BRSK2: variants seen among roughly 807,000 people sequenced by gnomAD.
BRSK2 encodes the protein BR serine/threonine kinase 2, also known as serine/threonine-protein kinase BRSK2.
A neutral mutation model predicts 83.3 loss-of-function variants in BRSK2; 19 were observed. The observed-to-expected ratio is 0.23, with a 90% confidence interval of 0.16 to 0.33. The LOEUF is 0.33. Among genes scored for constraint, BRSK2 ranks in the 10% least tolerant of loss-of-function variants. The pLI, the probability that BRSK2 is intolerant of heterozygous loss-of-function variation, is 1.00. For missense variants in BRSK2, 798 were observed against 1,042.3 expected (o/e 0.77, Z 3.23); for synonymous variants, 519 against 435.4 (o/e 1.19, Z -2.39).
chr11:1,447,602 G>T (rs1262843227), intron 12 of BRSK2, among the ~76,000 whole-genome samples: 1 of 152,124 alleles, frequency 6.6e-6, no homozygotes, highest in Non-Finnish European at 1.5e-5. Context: ...CTGGGGTGGG[G>T]GCTACCAGGC....
intron 1 of BRSK2, among the ~76,000 whole-genome samples, chr11:1,406,728 G>GT (rs1846899121): frequency 6.6e-6 from 1 of 152,212 alleles, no homozygotes; most frequent in Admixed American, 6.5e-5. Flanking sequence ...CTGCTGGAGG[G>GT]TGCGGGGGTG....
At chr11:1,460,188 G>C in intron 19 of BRSK2, among the ~76,000 whole-genome samples, 1 of 152,142 alleles carries the variant, frequency 6.6e-6, no homozygotes. Context: ...AAGGAGCACT[G>C]GGTCCTGCGC....
At chr11:1,453,662 G>T (rs1406525353) in intron 15 of BRSK2, among the ~76,000 whole-genome samples, 1 of 152,240 alleles carries the variant, frequency 6.6e-6, no homozygotes, top group East Asian at 1.9e-4. Flanking sequence ...CCAGGAATGG[G>T]CAAGGGAAAG....
At chr11:1,413,765 AC>A (rs2134137998) in intron 1 of BRSK2, among the ~76,000 whole-genome samples, 1 of 152,080 alleles carries the variant, frequency 6.6e-6, no homozygotes, top group South Asian at 2.1e-4. Flanking sequence ...GGGGCCTGGC[AC>A]CCCCACTCCA....
chr11:1,459,843 C>T (rs1390614414), intron 19 of BRSK2, among the ~76,000 whole-genome samples: 1 of 152,166 alleles, frequency 6.6e-6, no homozygotes, highest in Non-Finnish European at 1.5e-5. Flanking sequence ...CCATGCTTGT[C>T]CACCCATCTG....
Position 1,456,638 on chromosome 11 carries a change from G to C in BRSK2, c.1890G>C (p.Gln630His), listed in dbSNP as rs200143851. The C allele has an allele frequency of 3.1e-6, 5 of 1,610,962 alleles. No homozygotes were observed. The highest frequency in any genetic ancestry group is 4.2e-6 in the Non-Finnish European group (5 of 1,179,320). Residue 630 changes from glutamine to histidine, a missense_variant, in exon 18 of 20, where the codon CAG becomes CAC. Around this residue, in one of 6 missense-constraint regions of BRSK2, gnomAD observed 455 missense variants for 455.2 expected, o/e 1.00. Transcript: ENST00000528841. ...RRFKRVVETI[Q>H]AQLLSTHDPP... ...TCAAGAGGGTGGTGGAGACCATCCA[G>C]GCCCAGCTGCTGAGCACACACGACC...
intron 2 of BRSK2, among the ~76,000 whole-genome samples, chr11:1,437,094 T>TG (rs1850417816): frequency 6.6e-6 from 1 of 151,648 alleles, no homozygotes; most frequent in Non-Finnish European, 1.5e-5. Flanking sequence ...CTGGGAGTGA[T>TG]GGGGCCAGGA....
chr11:1,416,133 T>A (rs1425101413), intron 1 of BRSK2, among the ~76,000 whole-genome samples: 1 of 152,216 alleles, frequency 6.6e-6, no homozygotes, highest in Non-Finnish European at 1.5e-5. Context: ...GGGAGGGATG[T>A]GTTTATAAAA....
At chr11:1,408,956 TTGCC>T (rs1847126006) in intron 1 of BRSK2, among the ~76,000 whole-genome samples, 2 of 135,950 alleles carry the variant, frequency 1.5e-5, no homozygotes, top group Non-Finnish European at 3.2e-5. Context: ...ATACAGGTGT[TTGCC>T]TGTGCAGGTG....
intron 18 of BRSK2, 141 bp from the exon 19 acceptor site, chr11:1,459,051 C>T (rs1564891258): frequency 2.5e-6 from 2 of 797,088 alleles, no homozygotes. Flanking sequence ...CTGGCCCCCC[C>T]AGTATTCCCC....
chr11:1,447,474 T>A (rs1455583589), intron 12 of BRSK2, among the ~76,000 whole-genome samples: 1 of 152,182 alleles, frequency 6.6e-6, no homozygotes, highest in Non-Finnish European at 1.5e-5. Context: ...CCACTAGTCC[T>A]GGCATGTCCC....
chr11:1,443,410 C>A lies in BRSK2; in HGVS notation c.633+7C>A, dbSNP rs531195568. On this transcript the variant is annotated splice_region_variant and intron_variant, in intron 7 of 19. Transcript: ENST00000528841. ...CCTGTTCGCCTTGCTGGTGGTGAGA[C>A]CCTGGCCCCCTCAACCCTGCCCTGG... 4.4e-5 allele frequency: 70 copies of A among 1,599,010 alleles called. No homozygotes were observed. The South Asian group carries it at 7.0e-4, about 16-fold the overall frequency.
intron 12 of BRSK2, chr11:1,447,794 G>C: frequency 6.3e-7 from 1 of 1,596,618 alleles, no homozygotes; most frequent in Non-Finnish European, 8.5e-7. Flanking sequence ...CTGTTCTGCT[G>C]TAGTAAAGCA....
Position 1,440,938 on chromosome 11 carries a change from C to T in BRSK2, c.413+10C>T. 1 of 1,603,382 alleles carries T rather than the reference C, an allele frequency of 6.2e-7. No homozygotes were observed. Among genetic ancestry groups the T allele is most frequent in the Non-Finnish European group, 8.5e-7 (1 of 1,175,870 alleles). The stretch of plus-strand genomic sequence containing the variant: ...ACAGCCACTCCATATGGTGAGGCCC[C>T]ACCCCTGGTGCCCCCCACTCCCCAG... On this transcript the variant is annotated intron_variant, in intron 4 of 19. Coordinates refer to ENST00000528841, the MANE Select transcript of BRSK2 (RefSeq NM_001256627.2).
chr11:1,405,738 G>C (rs997438821), intron 1 of BRSK2, among the ~76,000 whole-genome samples: 1 of 152,100 alleles, frequency 6.6e-6, no homozygotes, highest in African/African-American at 2.4e-5. Flanking sequence ...TGTGCTCTGT[G>C]CCGAGGTGGG....
At chr11:1,394,933 T>G (rs1435951090) in intron 1 of BRSK2, among the ~76,000 whole-genome samples, 2 of 112,106 alleles carry the variant, frequency 1.8e-5, no homozygotes, top group Non-Finnish European at 1.9e-5. Context: ...TGGAGATGGG[T>G]CCTGGAGATG....
At position 1,411,351 on chromosome 11, in the gene BRSK2, C is replaced by T. The variant is rs374868545; in HGVS notation, c.91+20976C>T. On this transcript the variant is annotated intron_variant, in intron 1 of 19. Coordinates refer to ENST00000528841, the MANE Select transcript of BRSK2 (RefSeq NM_001256627.2). ...GGCCGGAGCAGGGGGCACAGTTCTGCCCCATCTGGCCCTAGTTTGGGGAGG... is the reference window on the plus strand; with the variant it reads ...GGCCGGAGCAGGGGGCACAGTTCTGTCCCATCTGGCCCTAGTTTGGGGAGG... 115 of 1,443,694 alleles carry T rather than the reference C, an allele frequency of 8.0e-5. No individual in the cohort carries two copies. The African/African-American group carries it at 1.5e-3, about 19-fold the overall frequency. 89.4% of individuals were successfully genotyped at this position (1,443,694 alleles called of 1,614,324 possible).
chr11:1,450,802 T>A lies in BRSK2; in HGVS notation c.1495+8T>A, dbSNP rs1253648297. The A allele has an allele frequency of 6.3e-7, 1 of 1,587,500 alleles. No individual in the cohort carries two copies. The highest frequency in any genetic ancestry group is 1.4e-5 in the African/African-American group (1 of 73,400). ...ACCGCCGGAAACTGCAAGGTGAGTG[T>A]CTGCCCGGAGGCGCCAGAGTGGGGC... On this transcript the variant is annotated splice_region_variant and intron_variant, in intron 14 of 19. Coordinates refer to ENST00000528841, the MANE Select transcript of BRSK2 (RefSeq NM_001256627.2).
intron 9 of BRSK2, 90 bp from the exon 10 acceptor site, chr11:1,445,204 A>T: frequency 6.6e-7 from 1 of 1,511,186 alleles, no homozygotes; most frequent in Admixed American, 2.0e-5. Context: ...GGCAGGATGA[A>T]GGGCCCCAGG....
Sources: allele counts gnomAD v4.1 joint callset (sites outside exome capture counted in the v4.1 genomes callset), GRCh38; gene constraint gnomAD v4.1.1; regional missense constraint gnomAD v4.1.1; transcripts MANE v1.5; gene names NCBI Gene and HGNC (gene_info 2026-07-23, HGNC 2026-07-21).